E2F5: variants seen among roughly 807,000 people sequenced by gnomAD.
E2F5 encodes E2F transcription factor 5.
In E2F5, 23 loss-of-function variants were observed where a neutral mutation model predicts 39.1. That is an observed-to-expected ratio of 0.59 (90% CI 0.42 to 0.83). The LOEUF is 0.83. E2F5 is among the 40% of genes least tolerant of loss of function. E2F5 has a pLI of 0.00. For missense variants in E2F5, 365 were observed against 406.7 expected (o/e 0.90, Z 0.88); for synonymous variants, 145 against 157.8 (o/e 0.92, Z 0.61).
chr8:85,202,965 TTGATTTTAAGAGTG>T, intron 2 of E2F5, 115 bp from the exon 3 acceptor site: 1 of 670,272 alleles, frequency 1.5e-6, no homozygotes, highest in Non-Finnish European at 2.1e-6. Flanking sequence ...ATTTTAGTGC[TTGATTTTAAGAGTG>T]TAAAGACTTC....
chr8:85,206,730 A>G (rs886968846), intron 4 of E2F5, among the ~76,000 whole-genome samples: 3 of 152,214 alleles, frequency 2.0e-5, no homozygotes, highest in Non-Finnish European at 1.5e-5. Flanking sequence ...TATCATGTTA[A>G]TAATTATAAT....
intron 1 of E2F5, 146 bp downstream of exon 1, chr8:85,177,800 T>C: frequency 8.8e-7 from 1 of 1,142,098 alleles, no homozygotes; most frequent in Non-Finnish European, 1.1e-6. Flanking sequence ...CCATGTGGCC[T>C]GCGCCCGGGT....
At chr8:85,177,819 C>T in intron 1 of E2F5, 165 bp downstream of exon 1, 4 of 1,122,140 alleles carry the variant, frequency 3.6e-6, no homozygotes, top group Non-Finnish European at 3.3e-6. Context: ...GTCGTGGACG[C>T]CGGGATGGGG....
At chr8:85,181,876 G>A (rs1262666738) in intron 1 of E2F5, among the ~76,000 whole-genome samples, 4 of 151,386 alleles carry the variant, frequency 2.6e-5, no homozygotes, top group African/African-American at 9.7e-5. Context: ...CAGGAGAATC[G>A]CTTGAACTCA....
In E2F5 at chr8:85,195,999, T is replaced by G. The variant is rs537919744; in HGVS notation, c.235-6148T>G. ...CCTTTTTTAAAAGTTTATACAAAGT[T>G]TATTAAAAATTTTTTTTTAAAAATT... On this transcript the variant is annotated intron_variant, in intron 1 of 7. Transcript: ENST00000416274. Among the ~76,000 whole-genome samples, 3 of 152,228 alleles carry G rather than the reference T, an allele frequency of 2.0e-5. No homozygotes were observed. In the East Asian group the frequency reaches 5.8e-4, roughly 29 times the overall value.
chr8:85,189,264 C>A (rs955868349), intron 1 of E2F5, among the ~76,000 whole-genome samples: 1 of 152,064 alleles, frequency 6.6e-6, no homozygotes, highest in African/African-American at 2.4e-5. Flanking sequence ...GTAAAACTTG[C>A]CCAGTATGCA....
chr8:85,206,582 C>T (rs1812807324), intron 4 of E2F5, among the ~76,000 whole-genome samples: 1 of 152,100 alleles, frequency 6.6e-6, no homozygotes, highest in African/African-American at 2.4e-5. Context: ...CATTGTTTAT[C>T]AAACTATATG....
At chr8:85,205,562 C>T (rs1041048125) in intron 3 of E2F5, among the ~76,000 whole-genome samples, 46 of 152,088 alleles carry the variant, frequency 3.0e-4, no homozygotes, top group Admixed American at 2.5e-3. Flanking sequence ...TGCTGGGTGG[C>T]GTGAGCCACC....
At position 85,187,360 on chromosome 8, in the gene E2F5, G is replaced by A. The variant is rs146013021; in HGVS notation, c.234+9706G>A. On this transcript the variant is annotated intron_variant, in intron 1 of 7. Coordinates refer to ENST00000416274, the MANE Select transcript of E2F5 (RefSeq NM_001951.4). ...ATATTTTCTTATTTACTGTCTCTAC[G>A]TTCTGTCCATTACTGAAAGTGGGCT... Among the ~76,000 whole-genome samples, 276 of 152,118 alleles carry A rather than the reference G, an allele frequency of 1.8e-3. 1 individual carries two copies. Among genetic ancestry groups the A allele is most frequent in the African/African-American group, 6.4e-3 (264 of 41,516 alleles).
chr8:85,206,143 TATAA>T, intron 3 of E2F5, 30 bp from the exon 4 acceptor site: 1 of 1,602,628 alleles, frequency 6.2e-7, no homozygotes, highest in Non-Finnish European at 8.5e-7. Context: ...TACGGCTTGA[TATAA>T]ATGTCGTTCC....
rs1224445921 is a variant in E2F5, at chr8:85,214,223, T to G, written c.*361T>G. 1.5e-5 allele frequency: 8 copies of G among 541,902 alleles called. No individual in the cohort carries two copies. The highest frequency in any genetic ancestry group is 1.1e-4 in the African/African-American group (6 of 53,540). 33.6% of individuals were successfully genotyped at this position (541,902 alleles called of 1,614,324 possible). ...GTTGGCCAAGGACTCATTACTTGTC[T>G]TATATTTTTACTGCCACTAAACTGC... On this transcript the variant is annotated 3_prime_UTR_variant, in exon 8 of 8. Transcript: ENST00000416274.
At chr8:85,185,356 A>G (rs561967721) in intron 1 of E2F5, among the ~76,000 whole-genome samples, 16 of 152,314 alleles carry the variant, frequency 1.1e-4, no homozygotes, top group African/African-American at 3.8e-4. Context: ...TTATACAAAA[A>G]TCAACTCAAG....
chr8:85,186,684 ATG>A (rs1812345286), intron 1 of E2F5, among the ~76,000 whole-genome samples: 1 of 147,306 alleles, frequency 6.8e-6, no homozygotes, highest in South Asian at 2.1e-4. Flanking sequence ...TAAGGTATAT[ATG>A]GTATATATAT....
chr8:85,193,119 T>A (rs1812500902), intron 1 of E2F5, among the ~76,000 whole-genome samples: 1 of 152,258 alleles, frequency 6.6e-6, no homozygotes, highest in Non-Finnish European at 1.5e-5. Context: ...ATTTTTTTTA[T>A]ATTTTACAAA....
chr8:85,182,807 C>G (rs1180525498), intron 1 of E2F5, among the ~76,000 whole-genome samples: 2 of 152,126 alleles, frequency 1.3e-5, no homozygotes, highest in Admixed American at 6.5e-5. Flanking sequence ...GATTGCTTAT[C>G]TCTTTTATTA....
intron 5 of E2F5, 132 bp downstream of exon 5, chr8:85,207,621 T>C (rs1299416430): frequency 3.2e-6 from 2 of 616,990 alleles, no homozygotes; most frequent in Non-Finnish European, 5.4e-6. Flanking sequence ...TCTAAAAGTA[T>C]TGATAGCTGA....
At chr8:85,200,576 G>A (rs4150930) in intron 1 of E2F5, among the ~76,000 whole-genome samples, 172 of 152,304 alleles carry the variant, frequency 1.1e-3, no homozygotes, top group African/African-American at 3.8e-3. Context: ...CTATGGCTGT[G>A]AATGCTTTTC....
chr8:85,186,748 A>G (rs183989525), intron 1 of E2F5, among the ~76,000 whole-genome samples: 5 of 147,732 alleles, frequency 3.4e-5, no homozygotes, highest in Non-Finnish European at 4.5e-5. Context: ...AGGTATATAT[A>G]TGGTATATAT....
chr8:85,193,476 CTCAATCAATCGA>C (rs1587488824), intron 1 of E2F5, among the ~76,000 whole-genome samples: 2 of 152,216 alleles, frequency 1.3e-5, no homozygotes, highest in Non-Finnish European at 2.9e-5. Flanking sequence ...GAGAATCCAT[CTCAATCAATCGA>C]TCAATCAATC....
Sources: allele counts gnomAD v4.1 joint callset (sites outside exome capture counted in the v4.1 genomes callset), GRCh38; gene constraint gnomAD v4.1.1; transcripts MANE v1.5; gene names NCBI Gene and HGNC (gene_info 2026-07-23, HGNC 2026-07-21).